Variants in H1-1 observed in about 807,000 individuals in gnomAD.
The protein encoded by H1-1 is histone H1.1.
H1-1 carries 2 observed loss-of-function variants against 0.8 expected under a neutral mutation model. That is an observed-to-expected ratio of 2.64 (90% CI 1.08 to 8.30). The LOEUF is 8.30. Ranked by LOEUF, H1-1 falls within the 30% of genes most tolerant of loss-of-function variation. The pLI, the probability that H1-1 is intolerant of heterozygous loss-of-function variation, is 0.04. For missense variants in H1-1, 516 were observed against 262.6 expected (o/e 1.97, Z -6.67); for synonymous variants, 211 against 108.2 (o/e 1.95, Z -5.89).
chr6:26,017,618 C>T lies in H1-1; in HGVS notation c.115G>A (p.Ala39Thr), dbSNP rs775204733. The stretch of plus-strand genomic sequence containing the variant: ...ATCAGCTCTGACACGGAAGGGCCAG[C>T]GGGTTTTTTCTTGGAGGCTGCTGCA... ...KAAAASKKKP[A>T]GPSVSELIVQ... Residue 39 changes from alanine (A) to threonine (T), a missense_variant, in exon 1 of 1, where the codon GCT becomes ACT. Transcript: ENST00000244573. 9.3e-6 allele frequency: 15 copies of T among 1,613,946 alleles called. No homozygotes were observed. Among genetic ancestry groups the T allele is most frequent in the Non-Finnish European group, 1.1e-5 (13 of 1,180,014 alleles).
rs752053479 is a variant in H1-1 at position 26,017,729 on chromosome 6, A to C, written c.4T>G (p.Ser2Ala). ...GCGGGGGCGGGAGGCACTGTTTCAGACATGGTGACTAACACAGCACACCAA... is the reference window on the plus strand; with the variant it reads ...GCGGGGGCGGGAGGCACTGTTTCAGCCATGGTGACTAACACAGCACACCAA... M[S>A]ETVPPAPAAS... is the part of the protein sequence containing the mutation. Residue 2 changes from serine to alanine, a missense_variant, in exon 1 of 1, where the codon TCT becomes GCT. Transcript: ENST00000244573. The C allele has an allele frequency of 6.2e-7, 1 of 1,612,588 alleles. No homozygotes were observed. The highest frequency in any genetic ancestry group is 1.1e-5 in the South Asian group (1 of 91,056).
chr6:26,017,032 T>C lies in H1-1; in HGVS notation c.*53A>G, dbSNP rs1461256218. The C allele has an allele frequency of 3.4e-6, 5 of 1,492,050 alleles. No individual in the cohort carries two copies. The Admixed American group carries it at 6.7e-5, about 20-fold the overall frequency. 92.4% of individuals were successfully genotyped at this position (1,492,050 alleles called of 1,614,324 possible). On this transcript the variant is annotated 3_prime_UTR_variant, in exon 1 of 1. Coordinates refer to ENST00000244573, the MANE Select transcript of H1-1 (RefSeq NM_005325.4). Reference sequence around the variant, plus strand: ...ACTACAGCTCTTTTCCTGAAATGCGTAGGTGGCTCTTAAAAGAGCCGTTGG... The same window carrying C: ...ACTACAGCTCTTTTCCTGAAATGCGCAGGTGGCTCTTAAAAGAGCCGTTGG...
rs746574084 is a variant in H1-1 at position 26,017,386 on chromosome 6, G to A, written c.347C>T (p.Ser116Phe). 1.9e-6 allele frequency: 3 copies of A among 1,613,974 alleles called. No homozygotes were observed. The highest frequency in any genetic ancestry group is 2.5e-6 in the Non-Finnish European group (3 of 1,180,020). Residue 116 changes from serine (S) to phenylalanine (F), a missense_variant, in exon 1 of 1, where the codon TCC becomes TTC. By Grantham distance (155) the Ser-to-Phe change is radical. Transcript: ENST00000244573. ...TGAGGCGCCGGGCTTGGTTTCCACG[G>A]AGGACGCCTTCTTGTTGAGCTTGAA... ...GSFKLNKKAS[S>F]VETKPGASKV...
Position 26,017,706 on chromosome 6 carries a change from G to A in H1-1, c.27C>T (p.Pro9=), listed in dbSNP as rs62000985. ...GTTTCTCAGGAGCAGCAGAAGCGGC[G>A]GGGGCGGGAGGCACTGTTTCAGACA... MSETVPPA[P]AASAAPEKPL... The change falls in exon 1 of 1, where the codon CCC becomes CCT. Residue 9 remains proline, a synonymous_variant. Transcript: ENST00000244573. 1.6e-3 allele frequency: 2,629 copies of A among 1,613,396 alleles called. 6 individuals carry two copies. The African/African-American group carries it at 0.016, about 10-fold the overall frequency.
rs755197492 is a variant in H1-1 at position 26,017,236 on chromosome 6, G to C, written c.497C>G (p.Ser166Cys). The C allele has an allele frequency of 6.2e-7, 1 of 1,614,124 alleles. No homozygotes were observed. The highest frequency in any genetic ancestry group is 8.5e-7 in the Non-Finnish European group (1 of 1,180,032). ...AKKPAATRKS[S>C]KNPKKPKTVK... ...AGTTTTGGGTTTTTTTGGATTCTTG[G>C]AGGATTTCCTTGTTGCCGCAGGCTT... Residue 166 changes from serine (S) to cysteine (C), a missense_variant, in exon 1 of 1, where the codon TCC (serine) becomes TGC (cysteine). Coordinates refer to ENST00000244573, the MANE Select transcript of H1-1 (RefSeq NM_005325.4).
Position 26,017,308 on chromosome 6 carries a change from G to A in H1-1, c.425C>T (p.Ala142Val), listed in dbSNP as rs1761139016. 9 of 1,613,862 alleles carry A rather than the reference G, an allele frequency of 5.6e-6. No individual in the cohort carries two copies. Among genetic ancestry groups the A allele is most frequent in the African/African-American group, 2.7e-5 (2 of 74,866 alleles). The part of the protein sequence containing the change: ...ATGASKKLKK[A>V]TGASKKSVKT... ...GACGCTCTTTTTGCTAGCCCCCGTG[G>A]CCTTTTTGAGCTTTTTAGATGCACC... The change falls in exon 1 of 1, where the codon GCC (alanine) becomes GTC (valine). Residue 142 changes from alanine to valine, a missense_variant. Coordinates refer to ENST00000244573, the MANE Select transcript of H1-1 (RefSeq NM_005325.4).
chr6:26,017,485 A>G lies in H1-1; in HGVS notation c.248T>C (p.Ile83Thr), dbSNP rs893029961. Residue 83 changes from isoleucine to threonine, a missense_variant, in exon 1 of 1, where the codon ATT (isoleucine) becomes ACT (threonine). Transcript: ENST00000244573. The part of the protein sequence containing the change: ...GYDVEKNNSR[I>T]KLGIKSLVSK... ...TACCAGGCTCTTAATGCCCAGCTTA[A>G]TGCGGCTGTTGTTCTTCTCCACGTC... The G allele has an allele frequency of 1.2e-6, 2 of 1,614,132 alleles. No individual in the cohort carries two copies. Among genetic ancestry groups the G allele is most frequent in the Non-Finnish European group, 1.7e-6 (2 of 1,180,040 alleles).
rs768442163 is a variant in H1-1, at chr6:26,017,471, T to G, written c.262A>C (p.Lys88Gln). ...KNNSRIKLGIKSLVSKGTLVQ... is the reference protein window; with the variant it reads ...KNNSRIKLGIQSLVSKGTLVQ... ...AACGTTCCCTTGCTTACCAGGCTCT[T>G]AATGCCCAGCTTAATGCGGCTGTTG... The change falls in exon 1 of 1, where the codon AAG becomes CAG. Residue 88 changes from lysine (K) to glutamine (Q), a missense_variant. Physicochemically the swap from Lys to Gln is moderately conservative, Grantham distance 53. Coordinates refer to ENST00000244573, the MANE Select transcript of H1-1 (RefSeq NM_005325.4). The G allele has an allele frequency of 3.1e-6, 5 of 1,613,782 alleles. No homozygotes were observed. Among genetic ancestry groups the G allele is most frequent in the Non-Finnish European group, 4.2e-6 (5 of 1,179,838 alleles).
Position 26,017,197 on chromosome 6 carries a change from T to C in H1-1, c.536A>G (p.Lys179Arg). 6.2e-7 allele frequency: 1 copy of C among 1,614,184 alleles called. No individual in the cohort carries two copies. Among genetic ancestry groups the C allele is most frequent in the Non-Finnish European group, 8.5e-7 (1 of 1,180,034 alleles). The change falls in exon 1 of 1, where the codon AAA (lysine) becomes AGA (arginine). Residue 179 changes from lysine to arginine, a missense_variant. Transcript: ENST00000244573. ...AGCTTTAGCAGGGCTTTTAGCTACT[T>C]TCTTGGGCTTTACAGTTTTGGGTTT... ...PKKPKTVKPKKVAKSPAKAKA... is the reference protein window; with the variant it reads ...PKKPKTVKPKRVAKSPAKAKA...
Position 26,017,113 on chromosome 6 carries a change from G to C in H1-1, c.620C>G (p.Pro207Arg). ...CTTTTTCTTGGGTGCCGCTTTCTTG[G>C]GTTTGGCAGTCTTTGGCTTCGTCAC... ...ARVTKPKTAK[P>R]KKAAPKKK The change falls in exon 1 of 1, where the codon CCC becomes CGC. Residue 207 changes from proline to arginine, a missense_variant. By Grantham distance (103) the Pro-to-Arg change is moderately radical (BLOSUM62 -2). Transcript: ENST00000244573. 1 of 1,588,356 alleles carries C rather than the reference G, an allele frequency of 6.3e-7. No homozygotes were observed. Among genetic ancestry groups the C allele is most frequent in the Non-Finnish European group, 8.5e-7 (1 of 1,172,918 alleles).
chr6:26,017,528 G>C lies in H1-1; in HGVS notation c.205C>G (p.Leu69Val). The change falls in exon 1 of 1, where the codon CTG becomes GTG. Residue 69 changes from leucine to valine, a missense_variant. By Grantham distance (32) the Leu-to-Val change is conservative. Coordinates refer to ENST00000244573, the MANE Select transcript of H1-1 (RefSeq NM_005325.4). Reference sequence around the variant, plus strand: ...TCCACGTCGTAGCCTGCGGCCGCCAGCGCCTTTTTAAGAGCTGCCAACGAC... The same window carrying C: ...TCCACGTCGTAGCCTGCGGCCGCCACCGCCTTTTTAAGAGCTGCCAACGAC... ...GVSLAALKKA[L>V]AAAGYDVEKN... 1 of 1,614,126 alleles carries C rather than the reference G, an allele frequency of 6.2e-7. No homozygotes were observed. The highest frequency in any genetic ancestry group is 8.5e-7 in the Non-Finnish European group (1 of 1,180,038).
In H1-1 at chr6:26,017,604, C is replaced by A. The variant is rs749793855; in HGVS notation, c.129G>T (p.Val43=). 13 of 1,614,196 alleles carry A rather than the reference C, an allele frequency of 8.1e-6. No individual in the cohort carries two copies. The East Asian group carries it at 2.9e-4, about 36-fold the overall frequency. ...AAGCAGCCTGCACGATCAGCTCTGA[C>A]ACGGAAGGGCCAGCGGGTTTTTTCT... The part of the protein sequence containing the change: ...ASKKKPAGPS[V]SELIVQAASS... The change falls in exon 1 of 1, where the codon GTG becomes GTT. Residue 43 remains valine (V), a synonymous_variant. Transcript: ENST00000244573.
chr6:26,017,531 C>T lies in H1-1; in HGVS notation c.202G>A (p.Ala68Thr), dbSNP rs763346591. The T allele has an allele frequency of 1.9e-6, 3 of 1,614,082 alleles. No homozygotes were observed. The highest frequency in any genetic ancestry group is 2.5e-6 in the Non-Finnish European group (3 of 1,180,020). Reference protein sequence around the residue: ...GGVSLAALKKALAAAGYDVEK... With the variant: ...GGVSLAALKKTLAAAGYDVEK... Reference sequence around the variant, plus strand: ...ACGTCGTAGCCTGCGGCCGCCAGCGCCTTTTTAAGAGCTGCCAACGACACA... The same window carrying T: ...ACGTCGTAGCCTGCGGCCGCCAGCGTCTTTTTAAGAGCTGCCAACGACACA... Residue 68 changes from alanine to threonine, a missense_variant, in exon 1 of 1, where the codon GCG becomes ACG. Transcript: ENST00000244573.
chr6:26,017,777 A>G lies in H1-1; in HGVS notation c.-45T>C. The G allele has an allele frequency of 6.4e-7, 1 of 1,555,330 alleles. No individual in the cohort carries two copies. Among genetic ancestry groups the G allele is most frequent in the Non-Finnish European group, 8.7e-7 (1 of 1,146,388 alleles). ...CAAATAAAGTGGTATAAACCTGACG[A>G]AGCAGGATGCGAAAAAAAGGCCCCA... is the stretch of plus-strand genomic sequence containing the variant. On this transcript the variant is annotated 5_prime_UTR_variant, in exon 1 of 1. Coordinates refer to ENST00000244573, the MANE Select transcript of H1-1 (RefSeq NM_005325.4).
rs1344827769 is a variant in H1-1 at position 26,017,403 on chromosome 6, GA to G, written c.329del (p.Leu110ProfsTer66). On this transcript the variant is annotated frameshift_variant, in exon 1 of 1. Transcript: ENST00000244573. LOFTEE classifies it low-confidence loss of function (END_TRUNC). ...TTTCCACGGAGGACGCCTTCTTGTT[GA>G]GCTTGAAGGAACCCGAGGCTCCGGT... ...KGTGASGSFK[L>X]NKKASSVETK... The G allele has an allele frequency of 6.2e-7, 1 of 1,614,040 alleles. No individual in the cohort carries two copies. The highest frequency in any genetic ancestry group is 8.5e-7 in the Non-Finnish European group (1 of 1,180,010).
chr6:26,017,309 CCT>C lies in H1-1; in HGVS notation c.422_423del (p.Lys141SerfsTer5). ...KATGASKKLKKATGASKKSVK... is the reference protein window; with the variant it reads ...KATGASKKLKXATGASKKSVK... Reference sequence around the variant, plus strand: ...ACGCTCTTTTTGCTAGCCCCCGTGGCCTTTTTGAGCTTTTTAGATGCACCCGT... The same window carrying C: ...ACGCTCTTTTTGCTAGCCCCCGTGGCTTTTGAGCTTTTTAGATGCACCCGT... On this transcript the variant is annotated frameshift_variant, in exon 1 of 1. Coordinates refer to ENST00000244573, the MANE Select transcript of H1-1 (RefSeq NM_005325.4). LOFTEE classifies it low-confidence loss of function (END_TRUNC). The C allele has an allele frequency of 6.2e-7, 1 of 1,613,976 alleles. No homozygotes were observed. Among genetic ancestry groups the C allele is most frequent in the Non-Finnish European group, 8.5e-7 (1 of 1,179,958 alleles).
chr6:26,017,143 G>C lies in H1-1; in HGVS notation c.590C>G (p.Ala197Gly). 1 of 1,611,962 alleles carries C rather than the reference G, an allele frequency of 6.2e-7. No individual in the cohort carries two copies. Among genetic ancestry groups the C allele is most frequent in the Non-Finnish European group, 8.5e-7 (1 of 1,179,514 alleles). Residue 197 changes from alanine to glycine, a missense_variant, in exon 1 of 1, where the codon GCT (alanine) becomes GGT (glycine). Coordinates refer to ENST00000244573, the MANE Select transcript of H1-1 (RefSeq NM_005325.4). ...AKAVKPKAAK[A>G]RVTKPKTAKP... ...GGCAGTCTTTGGCTTCGTCACCCTA[G>C]CCTTGGCCGCCTTGGGTTTTACAGC...
In H1-1 at chr6:26,017,097, G is replaced by A; in HGVS notation, c.636C>T (p.Pro212=). ...PKTAKPKKAA[P]KKK Reference sequence around the variant, plus strand: ...CTTCTAACTGAATTTACTTTTTCTTGGGTGCCGCTTTCTTGGGTTTGGCAG... The same window carrying A: ...CTTCTAACTGAATTTACTTTTTCTTAGGTGCCGCTTTCTTGGGTTTGGCAG... Residue 212 remains proline (P), a synonymous_variant, in exon 1 of 1, where the codon CCC becomes CCT. Transcript: ENST00000244573. The A allele has an allele frequency of 6.3e-7, 1 of 1,575,504 alleles. No individual in the cohort carries two copies.
chr6:26,017,294 T>C lies in H1-1; in HGVS notation c.439A>G (p.Lys147Glu), dbSNP rs765494105. Residue 147 changes from lysine to glutamate, a missense_variant, in exon 1 of 1, where the codon AAA becomes GAA. Lys to Glu is a moderately conservative substitution (Grantham distance 56). Transcript: ENST00000244573. ...TTTTTCGGAGTCTTGACGCTCTTTT[T>C]GCTAGCCCCCGTGGCCTTTTTGAGC... is the stretch of plus-strand genomic sequence containing the variant. ...KKLKKATGAS[K>E]KSVKTPKKAK... 1 of 1,614,134 alleles carries C rather than the reference T, an allele frequency of 6.2e-7. No individual in the cohort carries two copies. The highest frequency in any genetic ancestry group is 8.5e-7 in the Non-Finnish European group (1 of 1,179,998).
Sources: gnomAD v4.1 joint callset for allele counts on GRCh38, gnomAD v4.1.1 for gene constraint, MANE v1.5 for transcripts, NCBI Gene and HGNC (gene_info 2026-07-23, HGNC 2026-07-21) for gene names.